The following MBD5 variants were observed in gnomAD, a reference collection of about 807,000 sequenced individuals.
MBD5 encodes methyl-CpG-binding domain protein 5.
Under a neutral mutation model 117.3 loss-of-function variants are expected in MBD5, and 13 were observed. The observed-to-expected ratio is 0.11, with a 90% CI of 0.07 to 0.18. The LOEUF is 0.18. Ranked by LOEUF, MBD5 falls within the 10% of genes least tolerant of loss-of-function variation. MBD5 has a pLI of 1.00. For synonymous variants in MBD5, 727 were observed against 766.4 expected, an observed-to-expected ratio of 0.95 and a Z score of 0.85; for missense variants, 1,879 against 2,093.8, an observed-to-expected ratio of 0.90 and a Z score of 2.00.
At chr2:148,371,148 A>T (rs12478120) in intron 4 of MBD5, among the ~76,000 whole-genome samples, 113,103 of 152,072 alleles carry the variant, frequency 0.74, 42,825 homozygotes, top group African/African-American at 0.9. Flanking sequence ...TTAGTTTTTT[A>T]AAATTCCATC....
At chr2:148,221,993 C>T (rs1388102893) in intron 2 of MBD5, among the ~76,000 whole-genome samples, 2 of 152,094 alleles carry the variant, frequency 1.3e-5, no homozygotes, top group African/African-American at 4.8e-5. Context: ...TCATTTTCCC[C>T]AGCACCATTT....
At chr2:148,443,841 A>C (rs186753938) in intron 4 of MBD5, among the ~76,000 whole-genome samples, 92 of 151,328 alleles carry the variant, frequency 6.1e-4, no homozygotes, top group Non-Finnish European at 3.1e-4. Flanking sequence ...TAGCACAACA[A>C]GGTGGCTATT....
chr2:148,049,673 C>T (rs1694638967), intron 1 of MBD5, among the ~76,000 whole-genome samples: 1 of 152,166 alleles, frequency 6.6e-6, no homozygotes, highest in Non-Finnish European at 1.5e-5. Context: ...ATATTTCTAT[C>T]TCCCTGAAAA....
At chr2:148,366,670 C>G (rs1314117756) in intron 4 of MBD5, among the ~76,000 whole-genome samples, 1 of 152,052 alleles carries the variant, frequency 6.6e-6, no homozygotes, top group African/African-American at 2.4e-5. Context: ...ACAAGCATTC[C>G]TATACACCAA....
intron 4 of MBD5, among the ~76,000 whole-genome samples, chr2:148,429,299 A>T (rs1705909164): frequency 6.6e-6 from 1 of 152,228 alleles, no homozygotes; most frequent in African/African-American, 2.4e-5. Flanking sequence ...ACAATGAGAT[A>T]CCATCTCACA....
chr2:148,022,037 A>G (rs1289154310), intron 1 of MBD5, among the ~76,000 whole-genome samples: 1 of 152,166 alleles, frequency 6.6e-6, no homozygotes. Flanking sequence ...TCTAGATGTC[A>G]CTTAAAAAAA....
In MBD5 at chr2:148,021,592, T is replaced by TCGCCTCCTC. The variant is rs1693735313; in HGVS notation, c.-1015_-1007dup. ...CTTCCCCAGCTCTCCTCCTCCTCCTTCGCCTCCTCCTCCTCCACTCCCCCC... is the reference window on the plus strand; with the variant it reads ...CTTCCCCAGCTCTCCTCCTCCTCCTTCGCCTCCTCCGCCTCCTCCTCCTCCACTCCCCCC... On this transcript the variant is annotated 5_prime_UTR_variant, in exon 1 of 14. Transcript: ENST00000642680. 25 of 490,766 alleles carry TCGCCTCCTC rather than the reference T, an allele frequency of 5.1e-5. No homozygotes were observed. The highest frequency in any genetic ancestry group is 4.2e-4 in the South Asian group (25 of 60,232). 30.4% of individuals were successfully genotyped at this position (490,766 alleles called of 1,614,324 possible).
intron 4 of MBD5, among the ~76,000 whole-genome samples, chr2:148,428,664 A>G (rs981011238): frequency 5.9e-5 from 9 of 152,336 alleles, no homozygotes; most frequent in East Asian, 3.9e-4. Context: ...CCAATGGAAC[A>G]GAACAGAGGC....
At chr2:148,360,552 T>A (rs937252365) in intron 4 of MBD5, among the ~76,000 whole-genome samples, 3 of 152,216 alleles carry the variant, frequency 2.0e-5, no homozygotes, top group African/African-American at 7.2e-5. Flanking sequence ...TAGGATTTTT[T>A]AAAATGTATT....
intron 3 of MBD5, among the ~76,000 whole-genome samples, chr2:148,312,485 G>T (rs1468246616): frequency 1.3e-5 from 2 of 152,126 alleles, no homozygotes; most frequent in African/African-American, 4.8e-5. Context: ...GTTGTGCTGT[G>T]TTTTTCAGCT....
rs989078419 is a variant in MBD5, at chr2:148,463,844, G to A, written c.322G>A (p.Ala108Thr). The A allele has an allele frequency of 6.2e-7, 1 of 1,613,716 alleles. No homozygotes were observed. The highest frequency in any genetic ancestry group is 2.2e-5 in the East Asian group (1 of 44,870). ...KLCIHKRKIIAVATLHKSMEA... is the reference protein window; with the variant it reads ...KLCIHKRKIITVATLHKSMEA... Reference sequence around the variant, plus strand: ...ATGCATACATAAAAGAAAAATTATTGCAGTGGCCACACTTCATAAAAGCAT... The same window carrying A: ...ATGCATACATAAAAGAAAAATTATTACAGTGGCCACACTTCATAAAAGCAT... Residue 108 changes from alanine to threonine, a missense_variant, in exon 7 of 14, where the codon GCA becomes ACA. Ala to Thr is a moderately conservative substitution (Grantham distance 58). Transcript: ENST00000642680.
chr2:148,310,924 AG>A (rs542665632), intron 3 of MBD5, among the ~76,000 whole-genome samples: 226 of 152,288 alleles, frequency 1.5e-3, no homozygotes, highest in African/African-American at 5.1e-3. Flanking sequence ...ATTCAGGAGC[AG>A]GTTGTTCAGT....
chr2:148,478,444 G>A (rs866542669), intron 8 of MBD5, among the ~76,000 whole-genome samples: 60 of 152,104 alleles, frequency 3.9e-4, no homozygotes, highest in African/African-American at 1.0e-3. Flanking sequence ...TTAGCCGGGC[G>A]TGCCTCAGGA....
At chr2:148,090,212 CA>C (rs1185003301) in intron 1 of MBD5, among the ~76,000 whole-genome samples, 1 of 151,632 alleles carries the variant, frequency 6.6e-6, no homozygotes, top group Non-Finnish European at 1.5e-5. Context: ...GCAACAACAA[CA>C]AAAAAGTCCA....
At chr2:148,141,843 G>C (rs1295083903) in intron 1 of MBD5, among the ~76,000 whole-genome samples, 3 of 151,818 alleles carry the variant, frequency 2.0e-5, no homozygotes. Context: ...TGGGCACAGT[G>C]GCTTACATCC....
At chr2:148,248,983 T>C (rs1350999369) in intron 3 of MBD5, among the ~76,000 whole-genome samples, 1 of 152,124 alleles carries the variant, frequency 6.6e-6, no homozygotes, top group Admixed American at 6.5e-5. Flanking sequence ...CCCCCTACTT[T>C]ATATCATATG....
chr2:148,228,809 G>T (rs1489460460), intron 2 of MBD5, among the ~76,000 whole-genome samples: 1 of 152,166 alleles, frequency 6.6e-6, no homozygotes, highest in Non-Finnish European at 1.5e-5. Flanking sequence ...TCTATTCAGA[G>T]ATTCAACTTC....
intron 3 of MBD5, among the ~76,000 whole-genome samples, chr2:148,331,388 AATT>A (rs1702651872): frequency 6.6e-6 from 1 of 151,058 alleles, no homozygotes; most frequent in African/African-American, 2.4e-5. Flanking sequence ...TTTTTTTGGT[AATT>A]TAAGATTTAC....
At chr2:148,214,723 T>G (rs1052857307) in intron 2 of MBD5, among the ~76,000 whole-genome samples, 1 of 152,162 alleles carries the variant, frequency 6.6e-6, no homozygotes, top group Non-Finnish European at 1.5e-5. Flanking sequence ...CAACACTGTC[T>G]GCTGTGAAAC....
Sources: allele counts gnomAD v4.1 joint callset (sites outside exome capture counted in the v4.1 genomes callset), GRCh38; gene constraint gnomAD v4.1.1; transcripts MANE v1.5; gene names NCBI Gene and HGNC (gene_info 2026-07-23, HGNC 2026-07-21).